The following VAV3 variants were observed in gnomAD, a reference collection of about 807,000 sequenced individuals.
The protein encoded by VAV3 is vav guanine nucleotide exchange factor 3.
In VAV3, 94 loss-of-function variants were observed where a neutral mutation model predicts 131.2. That is an observed-to-expected ratio of 0.72 (90% confidence interval 0.61 to 0.85). The LOEUF is 0.85. VAV3 is among the 40% of genes least tolerant of loss of function. The pLI, the probability that VAV3 is intolerant of heterozygous loss-of-function variation, is 0.00. For synonymous variants in VAV3, 349 were observed against 342.0 expected (o/e 1.02, Z -0.22); for missense variants, 939 against 1,002.7 (o/e 0.94, Z 0.86).
At chr1:107,630,991 C>A (rs1008277667) in intron 20 of VAV3, among the ~76,000 whole-genome samples, 19 of 152,056 alleles carry the variant, frequency 1.2e-4, no homozygotes, top group Admixed American at 2.6e-4. Context: ...TCATGACAGC[C>A]TTGAAACATT....
intron 20 of VAV3, among the ~76,000 whole-genome samples, chr1:107,626,363 T>C (rs1654013248): frequency 6.6e-6 from 1 of 152,218 alleles, no homozygotes; most frequent in African/African-American, 2.4e-5. Flanking sequence ...AAGGCCTCCC[T>C]TGTTCTAGTG....
At chr1:107,815,531 C>T (rs1010440261) in intron 2 of VAV3, among the ~76,000 whole-genome samples, 4 of 152,184 alleles carry the variant, frequency 2.6e-5, no homozygotes, top group Admixed American at 2.6e-4. Context: ...GTAAATTGCT[C>T]AATATGCTCT....
chr1:107,797,530 A>G (rs1336735324), intron 2 of VAV3, among the ~76,000 whole-genome samples: 2 of 152,320 alleles, frequency 1.3e-5, no homozygotes, highest in Non-Finnish European at 2.9e-5. Context: ...AAAGCATAAG[A>G]GTCAAGTCCA....
chr1:107,770,446 A>G (rs1664977722), intron 6 of VAV3, among the ~76,000 whole-genome samples, 190 bp downstream of exon 6: 1 of 152,204 alleles, frequency 6.6e-6, no homozygotes, highest in African/African-American at 2.4e-5. Flanking sequence ...AGTCCCTGAA[A>G]CAGTGCCACT....
intron 2 of VAV3, among the ~76,000 whole-genome samples, chr1:107,854,055 T>C (rs1304247320): frequency 6.6e-6 from 1 of 152,154 alleles, no homozygotes; most frequent in African/African-American, 2.4e-5. Context: ...ACGCCTGTAA[T>C]CCCACCACTT....
intron 23 of VAV3, 42 bp downstream of exon 23, chr1:107,603,005 A>G: frequency 6.5e-7 from 1 of 1,530,854 alleles, no homozygotes; most frequent in Non-Finnish European, 9.0e-7. Flanking sequence ...GCAATTATGA[A>G]AACAGGAAAT....
In VAV3 at chr1:107,804,088, G is replaced by A. The variant is rs185998476; in HGVS notation, c.322-24596C>T. Among the ~76,000 whole-genome samples the A allele has an allele frequency of 8.6e-5, 13 of 152,032 alleles. No homozygotes were observed. In the East Asian group the frequency reaches 2.5e-3, roughly 29 times the overall value. On this transcript the variant is annotated intron_variant, in intron 2 of 26. Transcript: ENST00000370056. The stretch of plus-strand genomic sequence containing the variant: ...CCATTTTTTGGTTTTTACTTGCATA[G>A]AATATATTTTTCTATCCCATTACTT...
intron 2 of VAV3, among the ~76,000 whole-genome samples, chr1:107,807,320 G>A (rs1667104279): frequency 6.6e-6 from 1 of 152,180 alleles, no homozygotes; most frequent in Non-Finnish European, 1.5e-5. Context: ...GTTAGGCTCA[G>A]TATTTAGAAC....
intron 1 of VAV3, among the ~76,000 whole-genome samples, chr1:107,907,396 T>C (rs1672158787): frequency 6.6e-6 from 1 of 152,136 alleles, no homozygotes; most frequent in African/African-American, 2.4e-5. Context: ...TTACCAAAAA[T>C]ATTAATATAT....
At chr1:107,644,437 T>C (rs1047488486) in intron 19 of VAV3, among the ~76,000 whole-genome samples, 1 of 152,116 alleles carries the variant, frequency 6.6e-6, no homozygotes, top group African/African-American at 2.4e-5. Flanking sequence ...GTAGACTCCC[T>C]GGGTAATTTT....
chr1:107,923,198 A>AT (rs1009609061), intron 1 of VAV3, among the ~76,000 whole-genome samples: 6 of 152,138 alleles, frequency 3.9e-5, no homozygotes, highest in African/African-American at 1.4e-4. Flanking sequence ...AAATGGACTC[A>AT]TATGGTATAT....
intron 1 of VAV3, among the ~76,000 whole-genome samples, chr1:107,923,301 T>C (rs570803317): frequency 6.6e-6 from 1 of 152,244 alleles, no homozygotes; most frequent in South Asian, 2.1e-4. Flanking sequence ...CCCACAGAAT[T>C]TGCTATGGTT....
intron 2 of VAV3, among the ~76,000 whole-genome samples, chr1:107,832,357 C>T (rs536341040): frequency 6.6e-6 from 1 of 152,334 alleles, no homozygotes; most frequent in Admixed American, 6.5e-5. Flanking sequence ...TCAGCAAATG[C>T]ATCGGCAGAG....
chr1:107,778,909 TACTC>T (rs1288397959), intron 3 of VAV3, among the ~76,000 whole-genome samples: 2 of 152,154 alleles, frequency 1.3e-5, no homozygotes, highest in Non-Finnish European at 2.9e-5. Flanking sequence ...AACTGCATAA[TACTC>T]TATTGCAAGG....
At chr1:107,945,494 G>C (rs1394494104) in intron 1 of VAV3, among the ~76,000 whole-genome samples, 4 of 152,058 alleles carry the variant, frequency 2.6e-5, no homozygotes, top group Non-Finnish European at 5.9e-5. Flanking sequence ...AAAAATATAA[G>C]TGGCCCCTGC....
intron 19 of VAV3, among the ~76,000 whole-genome samples, chr1:107,665,722 G>A (rs1034968935): frequency 1.3e-5 from 2 of 152,142 alleles, no homozygotes; most frequent in African/African-American, 4.8e-5. Flanking sequence ...CCAGTGTCTT[G>A]CAGGCCAATA....
At chr1:107,951,222 C>T (rs1557942763) in intron 1 of VAV3, among the ~76,000 whole-genome samples, 1 of 152,172 alleles carries the variant, frequency 6.6e-6, no homozygotes, top group African/African-American at 2.4e-5. Flanking sequence ...AACCTTCTTC[C>T]TCTGTAGTAA....
chr1:107,882,738 C>T (rs887381350), intron 1 of VAV3, among the ~76,000 whole-genome samples: 1 of 152,064 alleles, frequency 6.6e-6, no homozygotes, highest in Non-Finnish European at 1.5e-5. Flanking sequence ...TTGTCCTTTT[C>T]CCCCGTGTAT....
intron 19 of VAV3, among the ~76,000 whole-genome samples, chr1:107,646,223 T>C (rs938251093): frequency 6.6e-6 from 1 of 151,878 alleles, no homozygotes; most frequent in Non-Finnish European, 1.5e-5. Context: ...CAGACAGTCA[T>C]ATTCCTTAAA....
Sources: gnomAD v4.1 joint callset for allele counts (sites outside exome capture counted in the v4.1 genomes callset) on GRCh38, gnomAD v4.1.1 for gene constraint, MANE v1.5 for transcripts, NCBI Gene and HGNC (gene_info 2026-07-23, HGNC 2026-07-21) for gene names.